Variants in CEP112 observed in about 807,000 individuals in gnomAD.
CEP112 encodes the protein centrosomal protein of 112 kDa.
Under a neutral mutation model 153.0 loss-of-function variants are expected in CEP112, and 127 were observed. The ratio of observed to expected loss-of-function variants is 0.83; its 90% CI spans 0.72 to 0.96. CEP112 has a LOEUF of 0.96. Among genes scored for constraint, CEP112 ranks in the 40% least tolerant of loss-of-function variants. The pLI, the probability that CEP112 is intolerant of heterozygous loss-of-function variation, is 0.00. For synonymous variants in CEP112, 358 were observed against 374.4 expected (o/e 0.96, Z 0.51); for missense variants, 1,089 against 1,101.2 (o/e 0.99, Z 0.16).
intron 20 of CEP112, among the ~76,000 whole-genome samples, chr17:65,856,232 T>C (rs1333054491): frequency 2.6e-5 from 4 of 152,066 alleles, no homozygotes; most frequent in Non-Finnish European, 5.9e-5. Context: ...GAATTGCGCA[T>C]TGGAAGGATG....
At chr17:65,730,828 C>A (rs1283925519) in intron 23 of CEP112, among the ~76,000 whole-genome samples, 1 of 142,732 alleles carries the variant, frequency 7.0e-6, no homozygotes, top group East Asian at 2.1e-4. Context: ...GTCCTACTGG[C>A]AGCTGACCTT....
chr17:65,660,369 CCCTT>C lies in CEP112; in HGVS notation c.2698-19308_2698-19305del, dbSNP rs200263565. ...CTCTCTCGTTCCTTCCTCCCTCCCT[CCCTT>C]CCTTCCTTCCTTCCTCCCTCCCTCC... On this transcript the variant is annotated intron_variant, in intron 24 of 26. Transcript: ENST00000535342. Among the ~76,000 whole-genome samples, 794 of 118,098 alleles carry C rather than the reference CCCTT, an allele frequency of 6.7e-3. 18 individuals are homozygous for C. Among genetic ancestry groups the C allele is most frequent in the African/African-American group, 0.014 (367 of 27,106 alleles). 77.5% of individuals were successfully genotyped at this position (118,098 alleles called of 152,430 possible). A position where few individuals can be genotyped will look rare whatever the true frequency, so the allele number is the denominator to read the frequency against.
chr17:65,885,015 C>G (rs1468958963), intron 20 of CEP112, among the ~76,000 whole-genome samples: 1 of 151,920 alleles, frequency 6.6e-6, no homozygotes, highest in Non-Finnish European at 1.5e-5. Context: ...CGCGCCCGGC[C>G]TAGTTTGTAG....
intron 19 of CEP112, among the ~76,000 whole-genome samples, chr17:65,903,677 C>A (rs1325815374): frequency 6.6e-6 from 1 of 152,106 alleles, no homozygotes; most frequent in Non-Finnish European, 1.5e-5. Flanking sequence ...AAATTTCAGG[C>A]CATTTTCCCT....
At chr17:65,824,573 G>A (rs2056747990) in intron 21 of CEP112, among the ~76,000 whole-genome samples, 1 of 152,208 alleles carries the variant, frequency 6.6e-6, no homozygotes, top group Admixed American at 6.5e-5. Context: ...AGGAATACAA[G>A]AAAGAGCTTG....
At position 66,049,157 on chromosome 17, in the gene CEP112, C is replaced by T. The variant is rs115527242; in HGVS notation, c.1218+4579G>A. ...TGGAGATCTCTCCCTGAGGTTCACC[C>T]CATCCTTGCTACTTGAACAGACTCT... is the stretch of plus-strand genomic sequence containing the variant. On this transcript the variant is annotated intron_variant, in intron 12 of 26. Coordinates refer to ENST00000535342, the MANE Select transcript of CEP112 (RefSeq NM_001199165.4). 1.5e-3 allele frequency among the ~76,000 whole-genome samples: 223 copies of T among 152,172 alleles called. 2 individuals are homozygous for T. Among genetic ancestry groups the T allele is most frequent in the African/African-American group, 5.2e-3 (215 of 41,510 alleles).
chr17:66,162,637 T>C (rs2071761398), intron 4 of CEP112, among the ~76,000 whole-genome samples: 1 of 152,126 alleles, frequency 6.6e-6, no homozygotes, highest in Admixed American at 6.5e-5. Flanking sequence ...CACAACATAA[T>C]GTTGAGCAAA....
intron 11 of CEP112, among the ~76,000 whole-genome samples, chr17:66,056,418 T>G (rs1268124674): frequency 6.6e-6 from 1 of 152,174 alleles, no homozygotes; most frequent in Non-Finnish European, 1.5e-5. Flanking sequence ...CCTAACAGAA[T>G]GTAAAAACAC....
chr17:65,704,434 C>G (rs2048810612), intron 23 of CEP112, among the ~76,000 whole-genome samples: 1 of 151,844 alleles, frequency 6.6e-6, no homozygotes, highest in Non-Finnish European at 1.5e-5. Context: ...CACACACACA[C>G]ACACACACAC....
chr17:65,698,092 A>C (rs1205967186), intron 23 of CEP112, among the ~76,000 whole-genome samples: 1 of 152,154 alleles, frequency 6.6e-6, no homozygotes, highest in Admixed American at 6.5e-5. Context: ...AAAACAAAAC[A>C]AAACAAAAAA....
At chr17:66,055,199 G>A (rs2066631324) in intron 11 of CEP112, among the ~76,000 whole-genome samples, 1 of 152,138 alleles carries the variant, frequency 6.6e-6, no homozygotes, top group Non-Finnish European at 1.5e-5. Flanking sequence ...GCAGAATGCA[G>A]GCAATAATTA....
rs2051782939 is a variant in CEP112 at position 65,750,735 on chromosome 17, C to T, written c.2395-11G>A. 3 of 1,613,302 alleles carry T rather than the reference C, an allele frequency of 1.9e-6. No individual in the cohort carries two copies. The highest frequency in any genetic ancestry group is 2.5e-6 in the Non-Finnish European group (3 of 1,179,318). The stretch of plus-strand genomic sequence containing the variant: ...CAGCTTGCTGTTGGCCTGAAAAACA[C>T]ATGTACATGAACACATACACAGTGA... On this transcript the variant is annotated splice_polypyrimidine_tract_variant and intron_variant, in intron 21 of 26. Coordinates refer to ENST00000535342, the MANE Select transcript of CEP112 (RefSeq NM_001199165.4).
At chr17:66,107,973 A>G (rs1478164626) in intron 6 of CEP112, among the ~76,000 whole-genome samples, 1 of 152,126 alleles carries the variant, frequency 6.6e-6, no homozygotes, top group Admixed American at 6.5e-5. Flanking sequence ...AGTAGGATAG[A>G]GAACCCAGAA....
chr17:65,943,118 C>A (rs1279731949), intron 18 of CEP112, among the ~76,000 whole-genome samples: 3 of 152,088 alleles, frequency 2.0e-5, no homozygotes, highest in African/African-American at 7.2e-5. Flanking sequence ...AATAGATAGG[C>A]AGGCTGGCAG....
At chr17:66,172,999 ACCT>A (rs1273207403) in intron 4 of CEP112, among the ~76,000 whole-genome samples, 1 of 152,168 alleles carries the variant, frequency 6.6e-6, no homozygotes, top group Non-Finnish European at 1.5e-5. Context: ...GCCCAAGCTA[ACCT>A]CCTGCTCCCA....
Position 65,816,687 on chromosome 17 carries a change from G to A in CEP112, c.2394+35117C>T, listed in dbSNP as rs1019771790. Among the ~76,000 whole-genome samples, 3 of 151,900 alleles carry A rather than the reference G, an allele frequency of 2.0e-5. No homozygotes were observed. In the East Asian group the frequency reaches 5.8e-4, roughly 29 times the overall value. On this transcript the variant is annotated intron_variant, in intron 21 of 26. Coordinates refer to ENST00000535342, the MANE Select transcript of CEP112 (RefSeq NM_001199165.4). The stretch of plus-strand genomic sequence containing the variant: ...GTGCTATCCTTTTTATATATTGATG[G>A]ATTTGATTGGCTAATATTTTGTTAA...
chr17:66,113,238 T>C (rs930643022), intron 6 of CEP112, among the ~76,000 whole-genome samples: 3 of 152,178 alleles, frequency 2.0e-5, no homozygotes, highest in Admixed American at 6.6e-5. Flanking sequence ...TACATATACA[T>C]ATGTATACAT....
At chr17:66,116,630 T>A (rs1277997576) in intron 6 of CEP112, among the ~76,000 whole-genome samples, 1 of 152,174 alleles carries the variant, frequency 6.6e-6, no homozygotes, top group Non-Finnish European at 1.5e-5. Flanking sequence ...AAGGGAACTA[T>A]CTTTTTGATG....
chr17:65,756,545 T>A (rs926681434), intron 21 of CEP112, among the ~76,000 whole-genome samples: 2 of 151,380 alleles, frequency 1.3e-5, no homozygotes, highest in African/African-American at 2.4e-5. Flanking sequence ...TGAGAATTGA[T>A]CACAGTAGTT....
Sources: allele counts gnomAD v4.1 joint callset (sites outside exome capture counted in the v4.1 genomes callset), GRCh38; gene constraint gnomAD v4.1.1; transcripts MANE v1.5; gene names NCBI Gene and HGNC (gene_info 2026-07-23, HGNC 2026-07-21).